The following TENT4A variants were observed in gnomAD, a reference collection of about 807,000 sequenced individuals.
The protein encoded by TENT4A is terminal nucleotidyltransferase 4A.
A neutral mutation model predicts 72.8 loss-of-function variants in TENT4A; 7 were observed. That is an observed-to-expected ratio of 0.10 (90% CI 0.05 to 0.18). The LOEUF (loss-of-function observed/expected upper bound fraction) is 0.18. Among genes scored for constraint, TENT4A ranks in the 10% least tolerant of loss-of-function variants. The probability of loss-of-function intolerance (pLI) is 1.00; values close to 1 mark genes in which losing one functional copy is unlikely to be tolerated. For missense variants in TENT4A, 831 were observed against 1,017.7 expected, an observed-to-expected ratio of 0.82 and a Z score of 2.50; for synonymous variants, 456 against 434.3, an observed-to-expected ratio of 1.05 and a Z score of -0.62.
chr5:6,754,140 A>G (rs1742564051), intron 12 of TENT4A, among the ~76,000 whole-genome samples: 1 of 152,214 alleles, frequency 6.6e-6, no homozygotes, highest in Non-Finnish European at 1.5e-5. Flanking sequence ...AGAAGGTCAC[A>G]GCTGGGGGAA....
At chr5:6,720,185 A>G (rs1740575586) in intron 1 of TENT4A, among the ~76,000 whole-genome samples, 1 of 152,112 alleles carries the variant, frequency 6.6e-6, no homozygotes, top group Non-Finnish European at 1.5e-5. Context: ...GGCTTGTGTT[A>G]TTGAGTCAGG....
At chr5:6,720,675 A>AAAATAAATAAAT (rs141500932) in intron 1 of TENT4A, among the ~76,000 whole-genome samples, 261 of 140,194 alleles carry the variant, frequency 1.9e-3, no homozygotes, top group Middle Eastern at 7.2e-3. Context: ...ACTCTGTCTC[A>AAAATAAATAAAT]AAATAAATAA....
At chr5:6,727,287 C>T (rs1217274905) in intron 1 of TENT4A, among the ~76,000 whole-genome samples, 3 of 152,192 alleles carry the variant, frequency 2.0e-5, no homozygotes, top group Admixed American at 2.0e-4. Flanking sequence ...ACCCCTCCCA[C>T]CTTGCCCCTG....
intron 1 of TENT4A, among the ~76,000 whole-genome samples, chr5:6,730,107 A>C (rs777271580): frequency 6.6e-6 from 1 of 151,226 alleles, no homozygotes; most frequent in African/African-American, 2.4e-5. Flanking sequence ...CCCCCCCCGG[A>C]GTGGCCCCAG....
At chr5:6,716,208 T>G (rs1463814940) in intron 1 of TENT4A, among the ~76,000 whole-genome samples, 1 of 152,090 alleles carries the variant, frequency 6.6e-6, no homozygotes, top group Non-Finnish European at 1.5e-5. Flanking sequence ...TGGTGTTGCT[T>G]TTGTTAGTGA....
rs756876923 is a variant in TENT4A at position 6,742,584 on chromosome 5, A to G, written c.1103A>G (p.Lys368Arg). Residue 368 changes from lysine (K) to arginine (R), a missense_variant, in exon 5 of 13, where the codon AAG becomes AGG. Physicochemically the swap from Lys to Arg is conservative, Grantham distance 26. Coordinates refer to ENST00000230859, the MANE Select transcript of TENT4A (RefSeq NM_006999.6). ...ETGVRAAEFI[K>R]NYMKKYSLLP... is the part of the protein sequence containing the mutation. ...GGCGTCCGGGCAGCGGAGTTCATCA[A>G]GAATTACATGAAGGTACTGTGCTTG... The G allele has an allele frequency of 3.7e-6, 6 of 1,607,500 alleles. No homozygotes were observed. In the African/African-American group the frequency reaches 4.0e-5, roughly 11 times the overall value.
intron 4 of TENT4A, among the ~76,000 whole-genome samples, chr5:6,741,086 C>T (rs765253268): frequency 1.1e-4 from 17 of 152,168 alleles, no homozygotes; most frequent in Admixed American, 2.0e-4. Flanking sequence ...GGAACTAAGG[C>T]GCGGCTGTCC....
intron 6 of TENT4A, chr5:6,745,995 C>T: frequency 1.5e-6 from 2 of 1,373,368 alleles, no homozygotes; most frequent in African/African-American, 1.5e-5. Flanking sequence ...TTTCAAAAAT[C>T]AAACTACACT....
rs532577322 is a variant in TENT4A, at chr5:6,723,270, T to C, written c.716+8571T>C. Among the ~76,000 whole-genome samples, 8 of 152,378 alleles carry C rather than the reference T, an allele frequency of 5.3e-5. 1 individual carries two copies. The East Asian group carries it at 1.5e-3, about 29-fold the overall frequency. On this transcript the variant is annotated intron_variant, in intron 1 of 12. Transcript: ENST00000230859. ...ACAGAGCAACATGGAGCAACTGTTA[T>C]GACCTGGAGTGTCTCCAGTCCAGCA...
intron 1 of TENT4A, among the ~76,000 whole-genome samples, chr5:6,728,148 C>T (rs905750176): frequency 6.6e-6 from 1 of 152,088 alleles, no homozygotes; most frequent in Non-Finnish European, 1.5e-5. Flanking sequence ...TCACGGCGCC[C>T]GTGAGGTGTA....
rs1475848214 is a variant in TENT4A, at chr5:6,755,101, C to T, written c.*156C>T. ...TGCATGTTTCTTCGTGTGGTGGTCG[C>T]GTCCATCTTCAAGAACAGCTCGTTG... On this transcript the variant is annotated 3_prime_UTR_variant, in exon 13 of 13. Coordinates refer to ENST00000230859, the MANE Select transcript of TENT4A (RefSeq NM_006999.6). 2.0e-5 allele frequency: 11 copies of T among 560,252 alleles called. 1 individual carries two copies. Among genetic ancestry groups the T allele is most frequent in the South Asian group, 1.6e-4 (5 of 32,018 alleles). The allele number at this position is 560,252 out of a possible 1,614,324, so 34.7% of individuals were successfully genotyped here.
Position 6,714,074 on chromosome 5 carries a change from G to A in TENT4A, c.91G>A (p.Gly31Ser). ...MQIWETSQGV[G>S]RGGSGFASYF... ...GATCTGGGAGACCTCGCAGGGCGTG[G>A]GCCGCGGCGGCTCGGGCTTCGCGTC... Residue 31 changes from glycine to serine, a missense_variant, in exon 1 of 13, where the codon GGC (glycine) becomes AGC (serine). By Grantham distance (56) the Gly-to-Ser change is moderately conservative. Around this residue, in one of 3 missense-constraint regions of TENT4A, gnomAD observed 302 missense variants for 293.8 expected, o/e 1.03. Coordinates refer to ENST00000230859, the MANE Select transcript of TENT4A (RefSeq NM_006999.6). 1.0e-6 allele frequency: 1 copy of A among 991,526 alleles called. No individual in the cohort carries two copies. 61.4% of individuals were successfully genotyped at this position (991,526 alleles called of 1,614,324 possible). A position where few individuals can be genotyped will look rare whatever the true frequency, so the allele number is the denominator to read the frequency against.
intron 12 of TENT4A, among the ~76,000 whole-genome samples, chr5:6,753,588 A>C (rs1041632675): frequency 6.6e-6 from 1 of 152,176 alleles, no homozygotes; most frequent in African/African-American, 2.4e-5. Context: ...TTAAGTCTCT[A>C]TATTCTTGAA....
chr5:6,753,438 AC>A (rs1742522019), intron 12 of TENT4A, among the ~76,000 whole-genome samples: 1 of 152,244 alleles, frequency 6.6e-6, no homozygotes, highest in Non-Finnish European at 1.5e-5. Flanking sequence ...TGTCATTCCC[AC>A]GTTGCCTGAT....
At chr5:6,749,313 G>A (rs185112347) in intron 8 of TENT4A, among the ~76,000 whole-genome samples, 31 of 152,306 alleles carry the variant, frequency 2.0e-4, no homozygotes, top group Admixed American at 9.8e-4. Context: ...GGAAGGCCCC[G>A]CTCCCCTACT....
At chr5:6,734,719 C>T (rs1014015614) in intron 1 of TENT4A, among the ~76,000 whole-genome samples, 6 of 152,222 alleles carry the variant, frequency 3.9e-5, no homozygotes, top group Non-Finnish European at 8.8e-5. Context: ...TGTTTGGACA[C>T]AATGCCAAGG....
At chr5:6,720,722 A>G (rs1740607545) in intron 1 of TENT4A, among the ~76,000 whole-genome samples, 1 of 149,006 alleles carries the variant, frequency 6.7e-6, no homozygotes, top group African/African-American at 2.5e-5. Flanking sequence ...AAATAAATAA[A>G]AGTTTGCAGG....
In TENT4A at chr5:6,713,921, G is replaced by A; in HGVS notation, c.-63G>A. 6 of 700,246 alleles carry A rather than the reference G, an allele frequency of 8.6e-6. No homozygotes were observed. Among genetic ancestry groups the A allele is most frequent in the Non-Finnish European group, 1.0e-5 (6 of 572,894 alleles). The allele number at this position is 700,246 out of a possible 1,614,324, so 43.4% of individuals were successfully genotyped here. ...TGCGCGCGCGGCCGGGCCTCGGGGC[G>A]CGGCGGGGGCGGGGCCGCGTCGGGG... On this transcript the variant is annotated 5_prime_UTR_variant, in exon 1 of 13. Transcript: ENST00000230859.
intron 1 of TENT4A, among the ~76,000 whole-genome samples, chr5:6,724,215 CACAGAGAGG>C (rs1740794079): frequency 6.6e-6 from 1 of 152,206 alleles, no homozygotes; most frequent in Non-Finnish European, 1.5e-5. Flanking sequence ...CCACCTCCCC[CACAGAGAGG>C]GCACTGGTAT....
Sources: allele counts gnomAD v4.1 joint callset (sites outside exome capture counted in the v4.1 genomes callset), GRCh38; gene constraint gnomAD v4.1.1; regional missense constraint gnomAD v4.1.1; transcripts MANE v1.5; gene names NCBI Gene and HGNC (gene_info 2026-07-23, HGNC 2026-07-21).